LIMA1: variants seen among roughly 807,000 people sequenced by gnomAD.
LIMA1 encodes LIM domain and actin binding 1, also known as LIM domain and actin-binding protein 1.
Under a neutral mutation model 62.6 loss-of-function variants are expected in LIMA1, and 52 were observed. The ratio of observed to expected loss-of-function variants is 0.83; its 90% CI spans 0.67 to 1.05. The LOEUF (loss-of-function observed/expected upper bound fraction) is 1.05, where lower values mean the gene tolerates loss of function less well. Ranked by LOEUF, LIMA1 falls within the 50% of genes least tolerant of loss-of-function variation. The pLI is 0.00. For missense variants in LIMA1, 780 were observed against 902.2 expected, an observed-to-expected ratio of 0.86 and a Z score of 1.74; for synonymous variants, 302 against 317.8, an observed-to-expected ratio of 0.95 and a Z score of 0.53.
rs148613153 is a variant in LIMA1 at position 50,236,087 on chromosome 12, C to T, written c.120-4377G>A. 4.0e-3 allele frequency among the ~76,000 whole-genome samples: 600 copies of T among 151,824 alleles called. 4 individuals carry two copies. The highest frequency in any genetic ancestry group is 0.014 in the African/African-American group (571 of 41,442). ...GACTGAGGCACGAGAATCGCCTGAA[C>T]CCGGGAGGTGGAGGTTGCAGTGAGC... On this transcript the variant is annotated intron_variant, in intron 2 of 10. Transcript: ENST00000341247.
intron 6 of LIMA1, chr12:50,201,271 T>G: frequency 9.9e-7 from 1 of 1,010,748 alleles, no homozygotes; most frequent in Non-Finnish European, 1.2e-6. Flanking sequence ...GGAAAGGAGA[T>G]GCCAAGTGCC....
At chr12:50,197,250 T>C (rs1940949784) in intron 7 of LIMA1, among the ~76,000 whole-genome samples, 1 of 152,076 alleles carries the variant, frequency 6.6e-6, no homozygotes, top group Non-Finnish European at 1.5e-5. Flanking sequence ...TTTGTATTTT[T>C]AGTAGAGCAG....
In LIMA1 at chr12:50,177,369, T is replaced by C. The variant is rs1940366496; in HGVS notation, c.1975A>G (p.Lys659Glu). 1.9e-6 allele frequency: 3 copies of C among 1,614,236 alleles called. No homozygotes were observed. The highest frequency in any genetic ancestry group is 1.3e-5 in the African/African-American group (1 of 75,064). ...GKTTWQNKES[K>E]GETGKRSKEG... ...TTACTTCTCTTCCCTGTCTCTCCTT[T>C]AGATTCTTTGTTTTGCCAGGTTGTT... Residue 659 changes from lysine (K) to glutamate (E), a missense_variant, in exon 11 of 11, where the codon AAA becomes GAA. Transcript: ENST00000341247.
chr12:50,235,283 T>C (rs1941675860), intron 2 of LIMA1, among the ~76,000 whole-genome samples: 1 of 148,958 alleles, frequency 6.7e-6, no homozygotes, highest in Admixed American at 6.7e-5. Flanking sequence ...CTTTTTTTTT[T>C]TTTTTTTTTT....
At chr12:50,197,629 A>C (rs1940959744) in intron 7 of LIMA1, among the ~76,000 whole-genome samples, 1 of 152,156 alleles carries the variant, frequency 6.6e-6, no homozygotes, top group Non-Finnish European at 1.5e-5. Context: ...CTAATCTTCC[A>C]GTTCAGTTCA....
At position 50,180,886 on chromosome 12, in the gene LIMA1, G is replaced by A. The variant is rs370562838; in HGVS notation, c.1274+1018C>T. On this transcript the variant is annotated intron_variant, in intron 10 of 10. Coordinates refer to ENST00000341247, the MANE Select transcript of LIMA1 (RefSeq NM_016357.5). Reference sequence around the variant, plus strand: ...TCAGCACTTTGGGAGGCCGAGGCGGGTGGATCACGAGGTCAGGAGATCAAG... The same window carrying A: ...TCAGCACTTTGGGAGGCCGAGGCGGATGGATCACGAGGTCAGGAGATCAAG... Among the ~76,000 whole-genome samples the A allele has an allele frequency of 1.4e-4, 21 of 152,150 alleles. No homozygotes were observed. The South Asian group carries it at 2.1e-3, about 15-fold the overall frequency.
intron 1 of LIMA1, among the ~76,000 whole-genome samples, chr12:50,267,849 T>A (rs1183835099): frequency 6.6e-6 from 1 of 152,016 alleles, no homozygotes; most frequent in Admixed American, 6.6e-5. Flanking sequence ...AAGAATGAGG[T>A]CTCACTATGT....
intron 1 of LIMA1, among the ~76,000 whole-genome samples, chr12:50,273,266 A>G (rs1592571707): frequency 6.6e-6 from 1 of 152,164 alleles, no homozygotes; most frequent in South Asian, 2.1e-4. Context: ...GGTTATAAAC[A>G]TATTAATGTT....
intron 7 of LIMA1, among the ~76,000 whole-genome samples, chr12:50,197,246 T>G (rs917084442): frequency 6.6e-6 from 1 of 152,090 alleles, no homozygotes; most frequent in Non-Finnish European, 1.5e-5. Context: ...AATTTTTGTA[T>G]TTTTAGTAGA....
chr12:50,201,082 G>C (rs1240320117), intron 6 of LIMA1, 198 bp from the exon 7 acceptor site: 5 of 1,372,682 alleles, frequency 3.6e-6, no homozygotes, highest in Non-Finnish European at 3.8e-6. Flanking sequence ...ACATACCTCA[G>C]AGTTAAATAT....
chr12:50,235,892 C>T (rs369058824), intron 2 of LIMA1, among the ~76,000 whole-genome samples: 47 of 152,190 alleles, frequency 3.1e-4, no homozygotes, highest in African/African-American at 1.1e-3. Flanking sequence ...CGGCTGGGTG[C>T]GGTGTCTCAT....
chr12:50,245,216 A>G (rs1246511067), intron 2 of LIMA1, among the ~76,000 whole-genome samples: 1 of 151,626 alleles, frequency 6.6e-6, no homozygotes, highest in Non-Finnish European at 1.5e-5. Flanking sequence ...GGAGTTCAAG[A>G]CCAGCCTGGG....
chr12:50,211,793 A>AACACACACACAC (rs6144709), intron 4 of LIMA1, among the ~76,000 whole-genome samples: 1 of 150,680 alleles, frequency 6.6e-6, no homozygotes, highest in Non-Finnish European at 1.5e-5. Flanking sequence ...AGGAACACAA[A>AACACACACACAC]ACACACACAC....
chr12:50,225,391 C>G (rs1032980129), intron 3 of LIMA1, among the ~76,000 whole-genome samples: 2 of 152,118 alleles, frequency 1.3e-5, no homozygotes, highest in Non-Finnish European at 1.5e-5. Flanking sequence ...ACCTAGATAC[C>G]CAGTCCTGAC....
At position 50,263,874 on chromosome 12, in the gene LIMA1, T is replaced by TATATAC. The variant is rs1942106568; in HGVS notation, c.-23-15101_-23-15100insGTATAT. On this transcript the variant is annotated intron_variant, in intron 1 of 10. Transcript: ENST00000341247. The stretch of plus-strand genomic sequence containing the variant: ...TATAGAGAGTATATATATATATATA[T>TATATAC]ATAAAGTATATATATATATATAAAG... Among the ~76,000 whole-genome samples the TATATAC allele has an allele frequency of 6.3e-5, 8 of 127,694 alleles. No homozygotes were observed. The South Asian group carries it at 2.1e-3, about 34-fold the overall frequency. The allele number at this position is 127,694 out of a possible 152,430, so 83.8% of individuals were successfully genotyped here. A position where few individuals can be genotyped will look rare whatever the true frequency, so the allele number is the denominator to read the frequency against.
chr12:50,237,739 G>A (rs1223931627), intron 2 of LIMA1, among the ~76,000 whole-genome samples: 1 of 152,150 alleles, frequency 6.6e-6, no homozygotes, highest in Non-Finnish European at 1.5e-5. Flanking sequence ...CATAAAGACA[G>A]ATATACAGAC....
chr12:50,216,178 A>G (rs754054183), intron 4 of LIMA1, among the ~76,000 whole-genome samples: 1 of 152,190 alleles, frequency 6.6e-6, no homozygotes, highest in African/African-American at 2.4e-5. Flanking sequence ...AGGAATTAGG[A>G]ATGCTAAACC....
chr12:50,252,843 G>A (rs1303407726), intron 1 of LIMA1, among the ~76,000 whole-genome samples: 1 of 152,102 alleles, frequency 6.6e-6, no homozygotes, highest in African/African-American at 2.4e-5. Flanking sequence ...GAAAGTTTCT[G>A]AAAAAGCATG....
intron 6 of LIMA1, among the ~76,000 whole-genome samples, chr12:50,203,041 A>C (rs1941084137): frequency 7.4e-6 from 1 of 134,702 alleles, no homozygotes; most frequent in African/African-American, 2.9e-5. Flanking sequence ...ATGGAGTCTC[A>C]CCCTGTCACC....
Sources: gnomAD v4.1 joint callset for allele counts (sites outside exome capture counted in the v4.1 genomes callset) on GRCh38, gnomAD v4.1.1 for gene constraint, MANE v1.5 for transcripts, NCBI Gene and HGNC (gene_info 2026-07-23, HGNC 2026-07-21) for gene names.